The following ZNF69 variants were observed in gnomAD, a reference collection of about 807,000 sequenced individuals.
ZNF69 encodes zinc finger protein 69.
Under a neutral mutation model 50.9 loss-of-function variants are expected in ZNF69, and 47 were observed. The ratio of observed to expected loss-of-function variants is 0.92; its 90% CI spans 0.73 to 1.18. ZNF69 has a LOEUF of 1.18. ZNF69 is among the 50% of genes most tolerant of loss of function. ZNF69 has a pLI of 0.00. For missense variants in ZNF69, 717 were observed against 675.1 expected (o/e 1.06, Z -0.69); for synonymous variants, 216 against 223.1 (o/e 0.97, Z 0.29).
downstream of ZNF69, among the ~76,000 whole-genome samples, chr19:11,916,477 T>G (rs1972523283): frequency 6.6e-6 from 1 of 152,124 alleles, no homozygotes; most frequent in South Asian, 2.1e-4. Flanking sequence ...TAGCTGGGTG[T>G]GGTGGCACAC....
At chr19:11,965,360 C>T in the ZNF69 span, 1 of 1,115,814 alleles carries the variant, frequency 9.0e-7, no homozygotes, top group South Asian at 1.4e-5. Context: ...TCGGTCCCCT[C>T]GGCCGCTGGA....
the ZNF69 span, among the ~76,000 whole-genome samples, chr19:11,932,921 G>A: frequency 1.3e-5 from 2 of 148,498 alleles, no homozygotes; most frequent in Non-Finnish European, 2.9e-5. Context: ...ACAGGCGTGA[G>A]CCACTGCACC....
At chr19:11,947,865 A>G in the ZNF69 span, among the ~76,000 whole-genome samples, 1 of 152,108 alleles carries the variant, frequency 6.6e-6, no homozygotes, top group Non-Finnish European at 1.5e-5. Context: ...TTAGCTGGGC[A>G]TTGTGGTGTG....
At chr19:11,912,251 T>C (rs1394746288) in intron 4 of ZNF69, among the ~76,000 whole-genome samples, 8 of 152,044 alleles carry the variant, frequency 5.3e-5, no homozygotes, top group Non-Finnish European at 1.0e-4. Context: ...TGCAAATACA[T>C]GAAAGGATGC....
the ZNF69 span, among the ~76,000 whole-genome samples, chr19:11,926,327 C>T: frequency 6.6e-6 from 1 of 152,178 alleles, no homozygotes. Flanking sequence ...TACAGAGGCA[C>T]TCAATTTTCA....
chr19:11,921,729 C>T, the ZNF69 span, among the ~76,000 whole-genome samples: 2 of 152,080 alleles, frequency 1.3e-5, no homozygotes, highest in Admixed American at 6.5e-5. Flanking sequence ...TCTTGAACTC[C>T]TGACCTCAGG....
chr19:11,957,383 C>G, the ZNF69 span, among the ~76,000 whole-genome samples: 1 of 151,830 alleles, frequency 6.6e-6, no homozygotes, highest in African/African-American at 2.4e-5. Flanking sequence ...CGTGAGCCAC[C>G]GTGCTCAGCC....
chr19:11,926,976 A>G, the ZNF69 span, among the ~76,000 whole-genome samples: 1 of 152,196 alleles, frequency 6.6e-6, no homozygotes, highest in South Asian at 2.1e-4. Flanking sequence ...AGAGGTCCTG[A>G]TCAGACCCCA....
At chr19:11,925,308 G>A in the ZNF69 span, 1 of 1,607,750 alleles carries the variant, frequency 6.2e-7, no homozygotes, top group Non-Finnish European at 8.5e-7. Flanking sequence ...TGAGACGGGG[G>A]AGGGGCTGCC....
intron 4 of ZNF69, among the ~76,000 whole-genome samples, chr19:11,913,112 G>T (rs1019955544): frequency 6.6e-6 from 1 of 151,838 alleles, no homozygotes; most frequent in Non-Finnish European, 1.5e-5. Flanking sequence ...CAGGAGAATG[G>T]CATGAATCCA....
chr19:11,937,331 C>T, the ZNF69 span, among the ~76,000 whole-genome samples: 2 of 152,040 alleles, frequency 1.3e-5, no homozygotes, highest in African/African-American at 2.4e-5. Flanking sequence ...TTGTATGCCA[C>T]CATGTCTAAT....
At chr19:11,934,162 A>G in the ZNF69 span, among the ~76,000 whole-genome samples, 1 of 147,806 alleles carries the variant, frequency 6.8e-6, no homozygotes, top group South Asian at 2.1e-4. Flanking sequence ...TGGTAGATAC[A>G]GTGTGAGACC....
At chr19:11,898,476 C>T (rs1053936294) in intron 1 of ZNF69, among the ~76,000 whole-genome samples, 4 of 150,650 alleles carry the variant, frequency 2.7e-5, no homozygotes, top group African/African-American at 7.4e-5. Context: ...CAGCAACCTC[C>T]GTCTCCCGGG....
the ZNF69 span, chr19:11,950,281 ACT>A: frequency 1.9e-6 from 3 of 1,587,076 alleles, no homozygotes; most frequent in Non-Finnish European, 2.6e-6. Context: ...ACATGAATAG[ACT>A]CACACTGGAA....
chr19:11,934,590 A>G, the ZNF69 span, among the ~76,000 whole-genome samples: 1 of 147,432 alleles, frequency 6.8e-6, no homozygotes, highest in Non-Finnish European at 1.5e-5. Flanking sequence ...GCAATGGCGC[A>G]ATCTCAGCTC....
chr19:11,913,661 T>C (rs1479164793), exon 5 of ZNF69: 1 of 278,512 alleles, frequency 3.6e-6, no homozygotes, highest in Non-Finnish European at 6.6e-6. Context: ...AATGCTGGGA[T>C]TACAGATATG....
In ZNF69 at chr19:11,906,038, A is replaced by C; in HGVS notation, c.1641A>C (p.Ser547=). 4.3e-6 allele frequency: 7 copies of C among 1,613,574 alleles called. No homozygotes were observed. Among genetic ancestry groups the C allele is most frequent in the Non-Finnish European group, 5.1e-6 (6 of 1,179,852 alleles). The change falls in exon 4 of 4, where the codon TCA becomes TCC. Residue 547 remains serine, a synonymous_variant. Coordinates refer to ENST00000429654, the MANE Select transcript of ZNF69 (RefSeq NM_001364730.1). ...GTGGGAAAGCCTTCAGAGCTGCCTCAGTCCTTCGAATGCATGGTAGGACTC... is the reference window on the plus strand; with the variant it reads ...GTGGGAAAGCCTTCAGAGCTGCCTCCGTCCTTCGAATGCATGGTAGGACTC... ...KQCGKAFRAA[S]VLRMHGRTHP... is the part of the protein sequence containing the mutation.
At chr19:11,928,815 C>T in the ZNF69 span, among the ~76,000 whole-genome samples, 1 of 146,552 alleles carries the variant, frequency 6.8e-6, no homozygotes, top group Non-Finnish European at 1.5e-5. Flanking sequence ...TAGGATGGCT[C>T]ACACCTGTAA....
At chr19:11,966,219 G>A in the ZNF69 span, among the ~76,000 whole-genome samples, 6 of 152,112 alleles carry the variant, frequency 3.9e-5, no homozygotes, top group South Asian at 2.1e-4. Flanking sequence ...ATGAATGTGC[G>A]TCAGTTGCTG....
Sources: gnomAD v4.1 joint callset for allele counts (sites outside exome capture counted in the v4.1 genomes callset) on GRCh38, gnomAD v4.1.1 for gene constraint, MANE v1.5 for transcripts, NCBI Gene and HGNC (gene_info 2026-07-23, HGNC 2026-07-21) for gene names.